The following ACSM4 variants were observed in gnomAD, a reference collection of about 807,000 sequenced individuals.
ACSM4 encodes the protein acyl-CoA synthetase medium chain family member 4.
A neutral mutation model predicts 73.0 loss-of-function variants in ACSM4; 66 were observed. The ratio of observed to expected loss-of-function variants is 0.90; its 90% CI spans 0.74 to 1.11. The LOEUF is 1.11. Among genes scored for constraint, ACSM4 ranks in the 50% least tolerant of loss-of-function variants. The pLI is 0.00. For synonymous variants in ACSM4, 222 were observed against 254.0 expected (o/e 0.87, Z 1.20); for missense variants, 645 against 714.4 (o/e 0.90, Z 1.11).
At chr12:7,312,314 G>A (rs772823750) in intron 3 of ACSM4, among the ~76,000 whole-genome samples, 1 of 152,256 alleles carries the variant, frequency 6.6e-6, no homozygotes, top group East Asian at 1.9e-4. Flanking sequence ...TAATTATACT[G>A]TACTTATCTC....
chr12:7,322,437 C>A lies in ACSM4; in HGVS notation c.1021C>A (p.Arg341=). 6.2e-7 allele frequency: 1 copy of A among 1,613,726 alleles called. No homozygotes were observed. The highest frequency in any genetic ancestry group is 2.2e-5 in the East Asian group (1 of 44,858). The change falls in exon 7 of 13, where the codon CGG becomes AGG. Residue 341 remains arginine (R), a synonymous_variant. Coordinates refer to ENST00000399422, the MANE Select transcript of ACSM4 (RefSeq NM_001080454.2). The stretch of plus-strand genomic sequence containing the variant: ...CTCCAGATATAAATTCAAGAGTCTG[C>A]GGCACTGCTTGACCGGAGGGGAGCC... ...DLKRYKFKSL[R]HCLTGGEPLN...
chr12:7,310,870 A>G (rs1188419752), intron 3 of ACSM4, 124 bp downstream of exon 3: 5 of 1,049,986 alleles, frequency 4.8e-6, no homozygotes, highest in Admixed American at 2.3e-5. Context: ...TTACTCAGAA[A>G]AGAATTACCT....
chr12:7,317,747 G>A (rs148506657), intron 4 of ACSM4, among the ~76,000 whole-genome samples: 54 of 152,226 alleles, frequency 3.5e-4, no homozygotes, highest in African/African-American at 1.2e-3. Flanking sequence ...GTAGAACAAC[G>A]CCTAGCACAT....
chr12:7,311,303 T>C (rs1477314210), intron 3 of ACSM4, among the ~76,000 whole-genome samples: 2 of 151,918 alleles, frequency 1.3e-5, no homozygotes, highest in African/African-American at 4.8e-5. Context: ...CTATGATGAG[T>C]ATCCTGTGTG....
Position 7,324,366 on chromosome 12 carries a change from G to C in ACSM4, c.1402G>C (p.Val468Leu). 6.2e-7 allele frequency: 1 copy of C among 1,614,132 alleles called. No individual in the cohort carries two copies. The highest frequency in any genetic ancestry group is 1.7e-5 in the Admixed American group (1 of 60,004). ...VMDSDGYFWF[V>L]GRADDVIISS... ...GGACAGTGATGGGTATTTCTGGTTTGTCGGCAGAGCTGATGATGTCATTAT... is the reference window on the plus strand; with the variant it reads ...GGACAGTGATGGGTATTTCTGGTTTCTCGGCAGAGCTGATGATGTCATTAT... Residue 468 changes from valine (V) to leucine (L), a missense_variant, in exon 10 of 13, where the codon GTC (valine) becomes CTC (leucine). Coordinates refer to ENST00000399422, the MANE Select transcript of ACSM4 (RefSeq NM_001080454.2).
At chr12:7,320,363 A>C (rs1020280590) in intron 5 of ACSM4, among the ~76,000 whole-genome samples, 2 of 152,250 alleles carry the variant, frequency 1.3e-5, no homozygotes, top group African/African-American at 4.8e-5. Flanking sequence ...AGTCAATACT[A>C]TCCATGAATA....
At chr12:7,325,947 C>A (rs1946500961) in intron 11 of ACSM4, among the ~76,000 whole-genome samples, 1 of 152,204 alleles carries the variant, frequency 6.6e-6, no homozygotes, top group Non-Finnish European at 1.5e-5. Flanking sequence ...ACTCTACTCT[C>A]CATCTATTCC....
intron 6 of ACSM4, 74 bp downstream of exon 6, chr12:7,320,878 G>A: frequency 7.9e-7 from 1 of 1,270,516 alleles, no homozygotes; most frequent in Non-Finnish European, 1.1e-6. Flanking sequence ...CTCTTTTTCA[G>A]CATAGGATAG....
chr12:7,304,480 A>T lies in ACSM4; in HGVS notation c.149A>T (p.Lys50Ile). 1 of 1,613,980 alleles carries T rather than the reference A, an allele frequency of 6.2e-7. No homozygotes were observed. Among genetic ancestry groups the T allele is most frequent in the Non-Finnish European group, 8.5e-7 (1 of 1,179,866 alleles). ...AINRCNRPLP[K>I]NFNFAADVLD... ...AATCGCTGTAACAGGCCATTGCCTA[A>T]AAACTTTAACTTTGCTGCAGATGTG... is the stretch of plus-strand genomic sequence containing the variant. Residue 50 changes from lysine to isoleucine, a missense_variant, in exon 1 of 13, where the codon AAA becomes ATA. Physicochemically the swap from Lys to Ile is moderately radical, Grantham distance 102 (BLOSUM62 -3). Transcript: ENST00000399422.
intron 2 of ACSM4, 70 bp downstream of exon 2, chr12:7,306,813 T>A: frequency 7.0e-7 from 1 of 1,438,314 alleles, no homozygotes. Context: ...TTTTCTGAAT[T>A]GTTAGCTCTG....
Position 7,328,517 on chromosome 12 carries a change from A to C in ACSM4, c.*144A>C. ...ACTGTTGATTTTTTGGTTTTTACTTAGCTAAAAAGTTTAAAAGTAAATAAA... is the reference window on the plus strand; with the variant it reads ...ACTGTTGATTTTTTGGTTTTTACTTCGCTAAAAAGTTTAAAAGTAAATAAA... On this transcript the variant is annotated 3_prime_UTR_variant, in exon 13 of 13. Transcript: ENST00000399422. 1 of 552,778 alleles carries C rather than the reference A, an allele frequency of 1.8e-6. No individual in the cohort carries two copies. The highest frequency in any genetic ancestry group is 4.3e-4 in the Middle Eastern group (1 of 2,336). 34.2% of individuals were successfully genotyped at this position (552,778 alleles called of 1,614,324 possible). A position where few individuals can be genotyped will look rare whatever the true frequency, so the allele number is the denominator to read the frequency against.
intron 2 of ACSM4, among the ~76,000 whole-genome samples, chr12:7,308,034 G>T (rs1394620352): frequency 2.0e-5 from 3 of 151,954 alleles, no homozygotes; most frequent in Non-Finnish European, 4.4e-5. Context: ...TAATAGGTGA[G>T]ACTAAGCTTA....
chr12:7,325,219 T>C (rs1037716902), intron 11 of ACSM4, among the ~76,000 whole-genome samples: 1 of 152,212 alleles, frequency 6.6e-6, no homozygotes, highest in South Asian at 2.1e-4. Context: ...AGAGAGAAGT[T>C]AGGGTAATAC....
In ACSM4 at chr12:7,304,258, A is replaced by C; in HGVS notation, c.-74A>C. On this transcript the variant is annotated 5_prime_UTR_variant, in exon 1 of 13. Transcript: ENST00000399422. ...CACCACAGAGCATCAAGAAACTGAT[A>C]CTCTCTATCCATCTCTCCCTACAGG... 1.4e-6 allele frequency: 2 copies of C among 1,444,534 alleles called. No homozygotes were observed. The highest frequency in any genetic ancestry group is 1.9e-6 in the Non-Finnish European group (2 of 1,036,342). 89.5% of individuals were successfully genotyped at this position (1,444,534 alleles called of 1,614,324 possible). A position where few individuals can be genotyped will look rare whatever the true frequency, so the allele number is the denominator to read the frequency against.
intron 11 of ACSM4, 138 bp from the exon 12 acceptor site, chr12:7,326,838 A>C: frequency 1.1e-6 from 1 of 951,992 alleles, no homozygotes; most frequent in Non-Finnish European, 1.5e-6. Flanking sequence ...AGCTTTGTTC[A>C]GAGGTAACCT....
At chr12:7,316,725 C>A (rs1946422915) in intron 3 of ACSM4, among the ~76,000 whole-genome samples, 1 of 152,180 alleles carries the variant, frequency 6.6e-6, no homozygotes, top group Non-Finnish European at 1.5e-5. Context: ...GCCAAACGAT[C>A]TTCCTTTAAA....
chr12:7,321,380 A>T (rs1946462537), intron 6 of ACSM4, among the ~76,000 whole-genome samples: 2 of 152,242 alleles, frequency 1.3e-5, no homozygotes, highest in Admixed American at 6.5e-5. Context: ...AACTCAATAC[A>T]TGAGGAGAGA....
chr12:7,328,608 T>C lies in ACSM4; in HGVS notation c.*235T>C, dbSNP rs1044863277. On this transcript the variant is annotated 3_prime_UTR_variant, in exon 13 of 13. Transcript: ENST00000399422. The stretch of plus-strand genomic sequence containing the variant: ...AACTGACAAAGGTAATGATGATGAT[T>C]TGTAGTGTTTAAAATAGCAGGAATA... 7.2e-5 allele frequency: 20 copies of C among 278,712 alleles called. No homozygotes were observed. Among genetic ancestry groups the C allele is most frequent in the Admixed American group, 2.6e-4 (5 of 18,966 alleles). The allele number at this position is 278,712 out of a possible 1,614,324, so 17.3% of individuals were successfully genotyped here. A position where few individuals can be genotyped will look rare whatever the true frequency, so the allele number is the denominator to read the frequency against.
At chr12:7,319,978 C>A (rs1261603773) in intron 5 of ACSM4, among the ~76,000 whole-genome samples, 1 of 152,204 alleles carries the variant, frequency 6.6e-6, no homozygotes, top group Admixed American at 6.5e-5. Flanking sequence ...GGAGCAGATA[C>A]ACATGGTAGA....
Sources: allele counts gnomAD v4.1 joint callset (sites outside exome capture counted in the v4.1 genomes callset), GRCh38; gene constraint gnomAD v4.1.1; transcripts MANE v1.5; gene names NCBI Gene and HGNC (gene_info 2026-07-23, HGNC 2026-07-21).